Variants in TRPC5 observed in about 807,000 individuals in gnomAD.
TRPC5 encodes the protein short transient receptor potential channel 5.
A neutral mutation model predicts 56.5 loss-of-function variants in TRPC5; 9 were observed. The ratio of observed to expected loss-of-function variants is 0.16; its 90% CI spans 0.10 to 0.28. TRPC5 has a LOEUF of 0.28. Ranked by LOEUF, TRPC5 falls within the 10% of genes least tolerant of loss-of-function variation. TRPC5 has a pLI of 1.00. For missense variants in TRPC5, 469 were observed against 748.9 expected, an observed-to-expected ratio of 0.63 and a Z score of 4.36; for synonymous variants, 282 against 278.5, an observed-to-expected ratio of 1.01 and a Z score of -0.13.
At chrX:111,877,900 A>T (rs1924031145) in intron 3 of TRPC5, among the ~76,000 whole-genome samples, 1 of 111,357 alleles carries the variant, frequency 9.0e-6, no homozygotes, top group South Asian at 3.8e-4. Context: ...TAAAGAGCGA[A>T]ATTTTTAAAA....
At chrX:111,891,295 G>T (rs1924792532) in intron 3 of TRPC5, among the ~76,000 whole-genome samples, 1 of 111,782 alleles carries the variant, frequency 8.9e-6, no homozygotes, top group Admixed American at 9.5e-5. Flanking sequence ...TTGCCACACT[G>T]TCTTCCACAA....
At chrX:111,945,992 T>C (rs1328791510) in intron 2 of TRPC5, among the ~76,000 whole-genome samples, 1 of 112,618 alleles carries the variant, frequency 8.9e-6, no homozygotes, top group African/African-American at 3.2e-5. Flanking sequence ...AAACAAATTT[T>C]GTTTCTATCT....
At chrX:111,976,465 A>C (rs2148650762) in intron 1 of TRPC5, among the ~76,000 whole-genome samples, 1 of 111,009 alleles carries the variant, frequency 9.0e-6, no homozygotes, top group Admixed American at 9.6e-5. Flanking sequence ...ATAAGTAAAT[A>C]AATATAGAAA....
chrX:111,964,148 A>G (rs1273539927), intron 1 of TRPC5, among the ~76,000 whole-genome samples: 1 of 112,347 alleles, frequency 8.9e-6, no homozygotes, highest in African/African-American at 3.2e-5. Flanking sequence ...TGGAGCTGAA[A>G]GCCAAGGCTC....
At chrX:111,965,049 G>C (rs2148644689) in intron 1 of TRPC5, among the ~76,000 whole-genome samples, 1 of 111,592 alleles carries the variant, frequency 9.0e-6, no homozygotes, top group Non-Finnish European at 1.9e-5. Context: ...AAAGAGTCAA[G>C]ACCCATCAGC....
chrX:112,057,207 G>A (rs926103994), intron 1 of TRPC5, among the ~76,000 whole-genome samples: 1 of 111,799 alleles, frequency 8.9e-6, no homozygotes, highest in African/African-American at 3.3e-5. Flanking sequence ...CTCAAAATTG[G>A]GGGAGGGAAG....
intron 6 of TRPC5, among the ~76,000 whole-genome samples, chrX:111,838,175 A>G (rs2148578952): frequency 9.0e-6 from 1 of 111,674 alleles, no homozygotes; most frequent in African/African-American, 3.2e-5. Context: ...TAGTCAGGGA[A>G]ACGTTATGGA....
intron 1 of TRPC5, among the ~76,000 whole-genome samples, chrX:112,052,196 C>T (rs926875711): frequency 3.6e-5 from 4 of 111,647 alleles, no homozygotes; most frequent in Non-Finnish European, 7.5e-5. Context: ...TGAGGAACCA[C>T]CATACTGTTT....
intron 1 of TRPC5, among the ~76,000 whole-genome samples, chrX:111,963,674 G>A (rs909756557): frequency 4.5e-5 from 5 of 111,613 alleles, no homozygotes; most frequent in African/African-American, 9.8e-5. Flanking sequence ...ACCAATATCC[G>A]CTGTTCTACA....
Position 111,769,638 on chromosome X carries a change from AT to A in TRPC5, c.*6674del, listed in dbSNP as rs1945832428. ...CATAAATCATTCCTCAATAAAGTTA[AT>A]TAGGGGAAAAAAACTAGATTCCCAA... On this transcript the variant is annotated 3_prime_UTR_variant, in exon 11 of 11. Transcript: ENST00000262839. 1.8e-5 allele frequency among the ~76,000 whole-genome samples: 2 copies of A among 111,970 alleles called. 1 individual carries two copies. The highest frequency in any genetic ancestry group is 3.8e-5 in the Non-Finnish European group (2 of 53,132).
chrX:111,972,793 AC>A (rs1386846407), intron 1 of TRPC5, among the ~76,000 whole-genome samples: 3 of 110,584 alleles, frequency 2.7e-5, no homozygotes, highest in Non-Finnish European at 5.7e-5. Flanking sequence ...TTCCTCACAA[AC>A]CCCCTTGTCT....
intron 1 of TRPC5, among the ~76,000 whole-genome samples, chrX:111,994,631 T>G (rs1003649919): frequency 2.7e-5 from 3 of 111,507 alleles, no homozygotes; most frequent in African/African-American, 9.8e-5. Context: ...CCCTTGTATG[T>G]TGGATTCCTA....
At chrX:111,963,485 C>T (rs1927456717) in intron 1 of TRPC5, among the ~76,000 whole-genome samples, 1 of 111,921 alleles carries the variant, frequency 8.9e-6, no homozygotes, top group Non-Finnish European at 1.9e-5. Flanking sequence ...AGTGGTTCTC[C>T]CAGCACGCAG....
chrX:112,023,252 T>G lies in TRPC5; in HGVS notation c.-22+58627A>C, dbSNP rs868493035. On this transcript the variant is annotated intron_variant, in intron 1 of 10. Coordinates refer to ENST00000262839, the MANE Select transcript of TRPC5 (RefSeq NM_012471.3). ...CCCAGCAGTTTTTTTTTTTGTTTTT[T>G]TTTTTTTTTTTTTTTTTTTTTTTAC... Among the ~76,000 whole-genome samples, 51 of 83,392 alleles carry G rather than the reference T, an allele frequency of 6.1e-4. No individual in the cohort carries two copies. In the East Asian group the frequency reaches 6.3e-3, roughly 10 times the overall value. 72.4% of individuals were successfully genotyped at this position (83,392 alleles called of 115,157 possible).
intron 1 of TRPC5, among the ~76,000 whole-genome samples, chrX:112,003,551 A>G (rs113992808): frequency 0.094 from 10,285 of 109,897 alleles, 774 homozygotes; most frequent in African/African-American, 0.26. Context: ...CTTTGGGGTG[A>G]GACAGTTTTC....
chrX:111,950,046 T>C (rs779180121), intron 2 of TRPC5, among the ~76,000 whole-genome samples: 37 of 111,805 alleles, frequency 3.3e-4, no homozygotes, highest in South Asian at 2.2e-3. Context: ...ATGAGTTGGC[T>C]GGGCGCGGTG....
intron 1 of TRPC5, among the ~76,000 whole-genome samples, chrX:111,996,775 G>T (rs191142496): frequency 9.0e-6 from 1 of 111,718 alleles, no homozygotes; most frequent in Non-Finnish European, 1.9e-5. Flanking sequence ...TTTAAAGTCT[G>T]TTTTATCAGA....
intron 2 of TRPC5, among the ~76,000 whole-genome samples, chrX:111,931,420 A>G (rs1471192458): frequency 8.9e-6 from 1 of 112,376 alleles, no homozygotes. Context: ...CACATCTTAT[A>G]TTTGGAGTTA....
At chrX:111,965,090 C>T (rs1927521382) in intron 1 of TRPC5, among the ~76,000 whole-genome samples, 1 of 111,067 alleles carries the variant, frequency 9.0e-6, no homozygotes, top group South Asian at 3.8e-4. Flanking sequence ...ATCTCACGTG[C>T]AGAGACACAC....
Sources: gnomAD v4.1 joint callset for allele counts (sites outside exome capture counted in the v4.1 genomes callset) on GRCh38, gnomAD v4.1.1 for gene constraint, MANE v1.5 for transcripts, NCBI Gene and HGNC (gene_info 2026-07-23, HGNC 2026-07-21) for gene names.